Variants in KCNIP4 observed in about 807,000 individuals in gnomAD.
KCNIP4 encodes potassium voltage-gated channel interacting protein 4, also known as Kv channel-interacting protein 4.
A neutral mutation model predicts 34.0 loss-of-function variants in KCNIP4; 12 were observed. The ratio of observed to expected loss-of-function variants is 0.35; its 90% CI spans 0.23 to 0.57. KCNIP4 has a LOEUF of 0.57. Among genes scored for constraint, KCNIP4 ranks in the 20% least tolerant of loss-of-function variants. KCNIP4 has a pLI of 0.83. For missense variants in KCNIP4, 238 were observed against 311.7 expected, an observed-to-expected ratio of 0.76 and a Z score of 1.78; for synonymous variants, 124 against 102.2, an observed-to-expected ratio of 1.21 and a Z score of -1.29.
chr4:21,765,402 G>A (rs1718342780), intron 1 of KCNIP4, among the ~76,000 whole-genome samples: 1 of 152,040 alleles, frequency 6.6e-6, no homozygotes, highest in Admixed American at 6.6e-5. Flanking sequence ...GTGTGTGTGA[G>A]CGTGTGTAAC....
intron 1 of KCNIP4, among the ~76,000 whole-genome samples, chr4:21,636,719 AG>A (rs1194473822): frequency 1.3e-5 from 2 of 152,232 alleles, no homozygotes; most frequent in Non-Finnish European, 2.9e-5. Context: ...AACAGAAGCT[AG>A]AGAGCAAAGA....
intron 1 of KCNIP4, among the ~76,000 whole-genome samples, chr4:20,949,430 C>T (rs967687571): frequency 6.6e-6 from 1 of 152,170 alleles, no homozygotes; most frequent in Non-Finnish European, 1.5e-5. Flanking sequence ...CTAGTTCAAC[C>T]ATTGTGGAAG....
intron 1 of KCNIP4, among the ~76,000 whole-genome samples, chr4:21,744,277 C>T (rs562431290): frequency 1.6e-4 from 25 of 152,142 alleles, no homozygotes; most frequent in Non-Finnish European, 3.4e-4. Context: ...CAAAACTTAG[C>T]AAAGTCACCC....
chr4:21,789,471 T>C (rs530967968), intron 1 of KCNIP4, among the ~76,000 whole-genome samples: 24 of 152,262 alleles, frequency 1.6e-4, no homozygotes, highest in African/African-American at 5.3e-4. Context: ...GTAGGGAACA[T>C]GGTCTCTTTT....
intron 1 of KCNIP4, among the ~76,000 whole-genome samples, chr4:21,674,701 C>T (rs73256510): frequency 0.033 from 5,011 of 152,160 alleles, 94 homozygotes; most frequent in East Asian, 0.088. Context: ...TATCATACCA[C>T]TTTCATCTCC....
intron 1 of KCNIP4, among the ~76,000 whole-genome samples, chr4:21,373,552 T>C (rs865924218): frequency 1.4e-5 from 2 of 147,080 alleles, no homozygotes; most frequent in Middle Eastern, 3.4e-3. Context: ...CCATTTCATA[T>C]TGTCATGTTA....
chr4:21,500,843 A>G (rs1442113953), intron 1 of KCNIP4, among the ~76,000 whole-genome samples: 3 of 152,180 alleles, frequency 2.0e-5, no homozygotes, highest in Admixed American at 6.6e-5. Flanking sequence ...GTTAAAAATT[A>G]TACTGTGAGT....
chr4:21,317,972 C>T (rs574747020), intron 1 of KCNIP4, among the ~76,000 whole-genome samples: 1 of 152,262 alleles, frequency 6.6e-6, no homozygotes, highest in South Asian at 2.1e-4. Context: ...TTGTAAATTG[C>T]CCAGTCTTGG....
chr4:21,818,617 G>A (rs1416275102), intron 1 of KCNIP4, among the ~76,000 whole-genome samples: 1 of 152,176 alleles, frequency 6.6e-6, no homozygotes, highest in Non-Finnish European at 1.5e-5. Flanking sequence ...TGTGAGCACT[G>A]GCTACTATAT....
chr4:21,874,597 T>C (rs1181285638), intron 1 of KCNIP4, among the ~76,000 whole-genome samples: 2 of 152,122 alleles, frequency 1.3e-5, no homozygotes, highest in African/African-American at 4.8e-5. Flanking sequence ...AAAGGCTTCT[T>C]CCCCTCTCAG....
Position 21,007,295 on chromosome 4 carries a change from AC to A in KCNIP4, c.62-124587del, listed in dbSNP as rs542724448. On this transcript the variant is annotated intron_variant, in intron 1 of 8. Transcript: ENST00000382152. ...AGACACCGTATATGGCGGAACCTGT[AC>A]AGAAAGAAGTCATCCAAGAAAAGAC... Among the ~76,000 whole-genome samples, 237 of 152,282 alleles carry A rather than the reference AC, an allele frequency of 1.6e-3. 1 individual carries two copies. The highest frequency in any genetic ancestry group is 5.5e-3 in the African/African-American group (227 of 41,558).
chr4:21,237,585 G>C (rs563830326), intron 1 of KCNIP4, among the ~76,000 whole-genome samples: 1 of 152,210 alleles, frequency 6.6e-6, no homozygotes, highest in African/African-American at 2.4e-5. Flanking sequence ...ACTACCATCA[G>C]AGAATACTAT....
chr4:20,895,131 A>G (rs1726366614), intron 1 of KCNIP4, among the ~76,000 whole-genome samples: 1 of 152,212 alleles, frequency 6.6e-6, no homozygotes, highest in Admixed American at 6.5e-5. Context: ...CAATGGCTCC[A>G]CAAAATGGAA....
chr4:20,783,008 C>T (rs1578608447), intron 3 of KCNIP4, among the ~76,000 whole-genome samples: 1 of 152,290 alleles, frequency 6.6e-6, no homozygotes, highest in East Asian at 1.9e-4. Flanking sequence ...CTCTCTCAAG[C>T]TCAAAGTTCC....
intron 1 of KCNIP4, among the ~76,000 whole-genome samples, chr4:21,383,572 T>C (rs1245375401): frequency 6.6e-6 from 1 of 150,950 alleles, no homozygotes; most frequent in Admixed American, 6.6e-5. Flanking sequence ...CAAAAACCCA[T>C]AAGACAGGAT....
At chr4:21,399,931 TAAG>T (rs34896139) in intron 1 of KCNIP4, among the ~76,000 whole-genome samples, 5,780 of 152,212 alleles carry the variant, frequency 0.038, 371 homozygotes, top group African/African-American at 0.13. Context: ...GGTGCTGTCA[TAAG>T]AAGTAGTAAG....
Position 20,875,519 on chromosome 4 carries a change from G to T in KCNIP4, c.163+7089C>A, listed in dbSNP as rs1022003555. Among the ~76,000 whole-genome samples, 6 of 152,174 alleles carry T rather than the reference G, an allele frequency of 3.9e-5. No individual in the cohort carries two copies. In the East Asian group the frequency reaches 1.2e-3, roughly 29 times the overall value. The stretch of plus-strand genomic sequence containing the variant: ...AGATAAAAATAACATCTGAGGGTTT[G>T]AACATGACACTTTTAGGGCTTAAAA... On this transcript the variant is annotated intron_variant, in intron 2 of 8. Coordinates refer to ENST00000382152, the MANE Select transcript of KCNIP4 (RefSeq NM_025221.6).
intron 1 of KCNIP4, among the ~76,000 whole-genome samples, chr4:21,124,281 A>G (rs1327058385): frequency 1.3e-5 from 2 of 152,200 alleles, no homozygotes; most frequent in African/African-American, 4.8e-5. Flanking sequence ...TATTATTATG[A>G]AAATAGTTTT....
intron 1 of KCNIP4, among the ~76,000 whole-genome samples, chr4:21,394,099 A>C (rs2109525582): frequency 6.6e-6 from 1 of 152,306 alleles, no homozygotes; most frequent in East Asian, 1.9e-4. Flanking sequence ...TTAGAGAAAA[A>C]ATTATGAACC....
Sources: allele counts gnomAD v4.1 joint callset (sites outside exome capture counted in the v4.1 genomes callset), GRCh38; gene constraint gnomAD v4.1.1; transcripts MANE v1.5; gene names NCBI Gene and HGNC (gene_info 2026-07-23, HGNC 2026-07-21).